The following GABBR2 variants were observed in gnomAD, a reference collection of about 807,000 sequenced individuals.
GABBR2 encodes the protein G-protein coupled receptor 51.
A neutral mutation model predicts 105.6 loss-of-function variants in GABBR2; 23 were observed. The ratio of observed to expected loss-of-function variants is 0.22; its 90% CI spans 0.16 to 0.31. The LOEUF is 0.31. GABBR2 is among the 10% of genes least tolerant of loss of function. The probability of loss-of-function intolerance (pLI) is 1.00; values close to 1 mark genes in which losing one functional copy is unlikely to be tolerated. For synonymous variants in GABBR2, 478 were observed against 499.7 expected (o/e 0.96, Z 0.58); for missense variants, 734 against 1,245.5 (o/e 0.59, Z 6.18).
chr9:98,698,867 T>A (rs1219778542), intron 1 of GABBR2, among the ~76,000 whole-genome samples: 1 of 152,284 alleles, frequency 6.6e-6, no homozygotes, highest in East Asian at 1.9e-4. Flanking sequence ...AGACGGTCCC[T>A]TTCAAGCTGA....
intron 2 of GABBR2, among the ~76,000 whole-genome samples, chr9:98,571,278 G>T (rs1343472664): frequency 4.6e-5 from 7 of 152,202 alleles, no homozygotes; most frequent in Admixed American, 4.6e-4. Flanking sequence ...TCCATGGACT[G>T]TGCCCCACCA....
At chr9:98,629,807 A>G (rs1829793197) in intron 1 of GABBR2, among the ~76,000 whole-genome samples, 1 of 152,186 alleles carries the variant, frequency 6.6e-6, no homozygotes. Flanking sequence ...AGGTCACTGA[A>G]GTTATTAAAG....
chr9:98,437,214 G>A (rs561137951), intron 7 of GABBR2, among the ~76,000 whole-genome samples: 27 of 152,208 alleles, frequency 1.8e-4, no homozygotes, highest in African/African-American at 6.0e-4. Context: ...CTAGAGAAAC[G>A]TGCTTTGATT....
chr9:98,635,856 A>G (rs78453694), intron 1 of GABBR2, among the ~76,000 whole-genome samples: 199 of 152,312 alleles, frequency 1.3e-3, no homozygotes, highest in African/African-American at 4.6e-3. Flanking sequence ...GAGACTGGGC[A>G]TTGATGGTGG....
At chr9:98,625,005 C>T (rs1186205430) in intron 1 of GABBR2, among the ~76,000 whole-genome samples, 1 of 152,140 alleles carries the variant, frequency 6.6e-6, no homozygotes, top group Non-Finnish European at 1.5e-5. Flanking sequence ...CCAGTAAGCC[C>T]TCCTCCCAGC....
At chr9:98,684,811 G>T (rs1021687341) in intron 1 of GABBR2, among the ~76,000 whole-genome samples, 5 of 152,148 alleles carry the variant, frequency 3.3e-5, no homozygotes, top group African/African-American at 1.2e-4. Context: ...TTTCGTCAGC[G>T]CAATGGACTC....
At position 98,454,660 on chromosome 9, in the gene GABBR2, C is replaced by T. The variant is rs1174746618; in HGVS notation, c.1000-443G>A. Among the ~76,000 whole-genome samples, 1 of 152,180 alleles carries T rather than the reference C, an allele frequency of 6.6e-6. No homozygotes were observed. The highest frequency in any genetic ancestry group is 1.5e-5 in the Non-Finnish European group (1 of 68,030). ...CTATCTCCTCATCGTAATAAATACA[C>T]CTTCCTAGGGATCTGGAAGGCCAAG... On this transcript the variant is annotated intron_variant, in intron 6 of 18. Coordinates refer to ENST00000259455, the MANE Select transcript of GABBR2 (RefSeq NM_005458.8). This position sits in a 1 kb window ranked among gnomAD's most constrained non-coding sequence, Gnocchi z 4.6.
At chr9:98,389,091 C>T (rs1024860698) in intron 9 of GABBR2, 87 bp from the exon 10 acceptor site, 7 of 1,197,038 alleles carry the variant, frequency 5.8e-6, no homozygotes, top group Non-Finnish European at 8.4e-6. Context: ...GACATCCAGC[C>T]AGGCCCTGCG....
rs1255697413 is a variant in GABBR2 at position 98,659,521 on chromosome 9, C to CT, written c.321+48895dup. On this transcript the variant is annotated intron_variant, in intron 1 of 18. Transcript: ENST00000259455. ...TAAACAACCTTTTTTCTTTTCTTTT[C>CT]TTTTCTTTTTTTTTTTTTTTGACTG... Among the ~76,000 whole-genome samples the CT allele has an allele frequency of 4.0e-3, 307 of 75,872 alleles. 12 individuals carry two copies. The highest frequency in any genetic ancestry group is 0.012 in the African/African-American group (233 of 19,482). The allele number at this position is 75,872 out of a possible 152,430, so 49.8% of individuals were successfully genotyped here. A position where few individuals can be genotyped will look rare whatever the true frequency, so the allele number is the denominator to read the frequency against.
chr9:98,629,786 C>T (rs1829792966), intron 1 of GABBR2, among the ~76,000 whole-genome samples: 1 of 152,160 alleles, frequency 6.6e-6, no homozygotes, highest in South Asian at 2.1e-4. Context: ...GGACAATGAA[C>T]TGTCAAGCAA....
chr9:98,552,499 C>G (rs1180689083), intron 2 of GABBR2, among the ~76,000 whole-genome samples: 2 of 152,168 alleles, frequency 1.3e-5, no homozygotes, highest in African/African-American at 4.8e-5. Context: ...GTTGGGAACT[C>G]GGGTCCACTT....
At chr9:98,477,448 C>A (rs988260808) in intron 5 of GABBR2, among the ~76,000 whole-genome samples, 25 of 152,172 alleles carry the variant, frequency 1.6e-4, no homozygotes, top group African/African-American at 6.0e-4. Context: ...CCATGCTGCC[C>A]AGGCTGGTCT....
chr9:98,402,941 A>G (rs1032378382), intron 8 of GABBR2, among the ~76,000 whole-genome samples: 2 of 152,258 alleles, frequency 1.3e-5, no homozygotes, highest in Admixed American at 6.5e-5. Context: ...CTGGTGGCTC[A>G]TTTCAGTCCT....
intron 7 of GABBR2, among the ~76,000 whole-genome samples, chr9:98,416,272 C>T (rs1008769109): frequency 6.6e-6 from 1 of 152,190 alleles, no homozygotes; most frequent in African/African-American, 2.4e-5. Context: ...ATTGTGAATG[C>T]AAAATGCCCT....
chr9:98,544,932 A>C (rs1828372304), intron 2 of GABBR2, among the ~76,000 whole-genome samples: 1 of 152,222 alleles, frequency 6.6e-6, no homozygotes, highest in Non-Finnish European at 1.5e-5. Context: ...TCTTCTCACA[A>C]GATTAAAAAC....
chr9:98,540,781 G>A (rs1044023588), intron 3 of GABBR2, among the ~76,000 whole-genome samples: 2 of 152,200 alleles, frequency 1.3e-5, no homozygotes, highest in African/African-American at 4.8e-5. Context: ...AAGCACACAT[G>A]GGAATAGAAA....
At chr9:98,478,250 G>A (rs1826835045) in intron 5 of GABBR2, among the ~76,000 whole-genome samples, 1 of 152,180 alleles carries the variant, frequency 6.6e-6, no homozygotes, top group Admixed American at 6.5e-5. Context: ...TGTGGTCTCT[G>A]CTCTGACTCC....
chr9:98,376,882 A>G (rs766287168), intron 11 of GABBR2, among the ~76,000 whole-genome samples: 1 of 152,166 alleles, frequency 6.6e-6, no homozygotes, highest in South Asian at 2.1e-4. Flanking sequence ...GGGGCAAATC[A>G]GAGAGAGGTT....
chr9:98,565,816 A>G (rs1828743519), intron 2 of GABBR2, among the ~76,000 whole-genome samples: 1 of 152,186 alleles, frequency 6.6e-6, no homozygotes, highest in South Asian at 2.1e-4. Context: ...CTATCTGCCC[A>G]AGCCTGAGAC....
Sources: allele counts gnomAD v4.1 joint callset (sites outside exome capture counted in the v4.1 genomes callset), GRCh38; gene constraint gnomAD v4.1.1; non-coding constraint Gnocchi (gnomAD v3.1); transcripts MANE v1.5; gene names NCBI Gene and HGNC (gene_info 2026-07-23, HGNC 2026-07-21).